Variants in HECTD2 observed in about 807,000 individuals in gnomAD.
HECTD2 encodes probable E3 ubiquitin-protein ligase HECTD2.
HECTD2 carries 35 observed loss-of-function variants against 103.2 expected under a neutral mutation model. The ratio of observed to expected loss-of-function variants is 0.34; its 90% CI spans 0.26 to 0.45. The LOEUF is 0.45. Among genes scored for constraint, HECTD2 ranks in the 20% least tolerant of loss-of-function variants. HECTD2 has a pLI of 1.00. For missense variants in HECTD2, 596 were observed against 937.4 expected (o/e 0.64, Z 4.76); for synonymous variants, 281 against 329.9 (o/e 0.85, Z 1.61).
chr10:91,458,345 A>G (rs929145349), intron 2 of HECTD2, among the ~76,000 whole-genome samples: 9 of 151,970 alleles, frequency 5.9e-5, no homozygotes, highest in African/African-American at 1.2e-4. Flanking sequence ...AAAGATGCCA[A>G]TTCTCCCCAA....
At position 91,492,335 on chromosome 10, in the gene HECTD2, A is replaced by G. The variant is rs370688946; in HGVS notation, c.1300-17A>G. On this transcript the variant is annotated splice_polypyrimidine_tract_variant and intron_variant, in intron 12 of 20. Coordinates refer to ENST00000298068, the MANE Select transcript of HECTD2 (RefSeq NM_182765.6). ...ACTGCTCTTTGTTCTCCTCTACTGT[A>G]TAATATCTTCAAATAGCTAACCCGG... is the stretch of plus-strand genomic sequence containing the variant. The G allele has an allele frequency of 7.0e-5, 113 of 1,607,168 alleles. No homozygotes were observed. The highest frequency in any genetic ancestry group is 9.2e-5 in the Non-Finnish European group (108 of 1,174,100).
At chr10:91,498,510 G>C (rs1362647332) in intron 16 of HECTD2, among the ~76,000 whole-genome samples, 1 of 152,152 alleles carries the variant, frequency 6.6e-6, no homozygotes, top group East Asian at 1.9e-4. Context: ...AGAAACTAAT[G>C]AGTCAGACCA....
intron 2 of HECTD2, among the ~76,000 whole-genome samples, chr10:91,427,141 A>G (rs1305365321): frequency 1.3e-5 from 2 of 150,420 alleles, no homozygotes; most frequent in African/African-American, 4.9e-5. Flanking sequence ...GAGAATGATG[A>G]TTTCCAATTT....
intron 5 of HECTD2, among the ~76,000 whole-genome samples, chr10:91,471,151 T>C (rs1460249838): frequency 6.6e-6 from 1 of 152,194 alleles, no homozygotes; most frequent in Non-Finnish European, 1.5e-5. Flanking sequence ...ATCCCTAGGA[T>C]GCAAGGTTGG....
intron 1 of HECTD2, among the ~76,000 whole-genome samples, chr10:91,416,784 G>A (rs528703361): frequency 8.5e-5 from 13 of 152,198 alleles, no homozygotes; most frequent in Admixed American, 7.2e-4. Flanking sequence ...CAAGCCTCAG[G>A]CCCTGTATGT....
intron 20 of HECTD2, among the ~76,000 whole-genome samples, chr10:91,506,029 T>G (rs1467005337): frequency 4.6e-5 from 7 of 151,854 alleles, no homozygotes; most frequent in Non-Finnish European, 7.4e-5. Context: ...GACTACTGGG[T>G]ACATAACGAA....
At chr10:91,427,039 C>T (rs1490337935) in intron 2 of HECTD2, among the ~76,000 whole-genome samples, 1 of 130,236 alleles carries the variant, frequency 7.7e-6, no homozygotes, top group East Asian at 2.4e-4. Flanking sequence ...TGTGATGTTC[C>T]CCTTCCTGTG....
intron 20 of HECTD2, among the ~76,000 whole-genome samples, chr10:91,506,996 G>T (rs907096311): frequency 5.9e-5 from 9 of 151,836 alleles, no homozygotes; most frequent in Non-Finnish European, 1.2e-4. Flanking sequence ...ATGTAATCCA[G>T]CATATAAACA....
At chr10:91,454,003 G>A (rs552909179) in intron 2 of HECTD2, among the ~76,000 whole-genome samples, 6 of 152,152 alleles carry the variant, frequency 3.9e-5, no homozygotes, top group South Asian at 4.2e-4. Context: ...AAGTGTGTAC[G>A]CACCAAACAG....
intron 20 of HECTD2, among the ~76,000 whole-genome samples, chr10:91,505,690 C>A (rs1244914785): frequency 6.6e-6 from 1 of 151,026 alleles, no homozygotes; most frequent in Non-Finnish European, 1.5e-5. Flanking sequence ...TTTAACACCC[C>A]ACTGTCAACA....
chr10:91,444,664 C>T (rs982163690), intron 2 of HECTD2, among the ~76,000 whole-genome samples: 1 of 152,142 alleles, frequency 6.6e-6, no homozygotes, highest in African/African-American at 2.4e-5. Flanking sequence ...GGCTTTCTGC[C>T]TGTTCTCACA....
chr10:91,478,150 G>A (rs143008675), intron 5 of HECTD2, 51 bp from the exon 6 acceptor site: 111 of 1,154,178 alleles, frequency 9.6e-5, no homozygotes, highest in Middle Eastern at 1.9e-4. Context: ...ACATATAAAC[G>A]TCACCTAATT....
chr10:91,414,302 G>C (rs1200844537), intron 1 of HECTD2, among the ~76,000 whole-genome samples: 2 of 152,298 alleles, frequency 1.3e-5, no homozygotes, highest in Admixed American at 6.5e-5. Context: ...AAGACAAGGG[G>C]AAGAGTTTGA....
intron 2 of HECTD2, among the ~76,000 whole-genome samples, chr10:91,455,539 G>A (rs1303532604): frequency 6.6e-6 from 1 of 152,026 alleles, no homozygotes; most frequent in Non-Finnish European, 1.5e-5. Context: ...TCACTCTGAT[G>A]GTAGTTTCTT....
intron 5 of HECTD2, among the ~76,000 whole-genome samples, chr10:91,474,580 T>C (rs1307915683): frequency 6.6e-6 from 1 of 152,130 alleles, no homozygotes; most frequent in Admixed American, 6.5e-5. Flanking sequence ...ATTTGCATCT[T>C]GGAAGGATTC....
intron 8 of HECTD2, among the ~76,000 whole-genome samples, chr10:91,483,557 A>G (rs776328960): frequency 9.2e-5 from 14 of 152,030 alleles, no homozygotes; most frequent in Non-Finnish European, 1.8e-4. Flanking sequence ...TCACAGAACT[A>G]TACCCACATG....
intron 2 of HECTD2, among the ~76,000 whole-genome samples, chr10:91,431,708 C>T (rs1329281314): frequency 2.6e-5 from 4 of 152,036 alleles, no homozygotes; most frequent in South Asian, 2.1e-4. Context: ...ACGTGGTTCT[C>T]GAGCCTTGGC....
At chr10:91,491,059 G>T in intron 11 of HECTD2, 141 bp from the exon 12 acceptor site, 1 of 476,864 alleles carries the variant, frequency 2.1e-6, no homozygotes, top group Non-Finnish European at 3.8e-6. Flanking sequence ...AAATCAAAAT[G>T]TGTATAATTG....
At chr10:91,449,603 C>G (rs1450613591) in intron 2 of HECTD2, among the ~76,000 whole-genome samples, 1 of 151,602 alleles carries the variant, frequency 6.6e-6, no homozygotes, top group Non-Finnish European at 1.5e-5. Context: ...GAAGTCAAAT[C>G]ATGTTTGTAG....
Sources: gnomAD v4.1 joint callset for allele counts (sites outside exome capture counted in the v4.1 genomes callset) on GRCh38, gnomAD v4.1.1 for gene constraint, MANE v1.5 for transcripts, NCBI Gene and HGNC (gene_info 2026-07-23, HGNC 2026-07-21) for gene names.